Variants in EMC2 observed in about 807,000 individuals in gnomAD.
EMC2 encodes TPR repeat protein 35.
A neutral mutation model predicts 51.6 loss-of-function variants in EMC2; 37 were observed. That is an observed-to-expected ratio of 0.72 (90% CI 0.55 to 0.94). The LOEUF (loss-of-function observed/expected upper bound fraction) is 0.94. Ranked by LOEUF, EMC2 falls within the 40% of genes least tolerant of loss-of-function variation. The pLI is 0.00. For missense variants in EMC2, 359 were observed against 350.9 expected (o/e 1.02, Z -0.18); for synonymous variants, 131 against 112.4 (o/e 1.17, Z -1.04).
chr8:108,473,217 A>G (rs977787368), intron 7 of EMC2, among the ~76,000 whole-genome samples: 1 of 152,018 alleles, frequency 6.6e-6, no homozygotes, highest in Non-Finnish European at 1.5e-5. Context: ...CCATATTGAG[A>G]CACTTGTTCT....
At position 108,476,853 on chromosome 8, in the gene EMC2, G is replaced by A; in HGVS notation, c.663G>A (p.Leu221=). 6.2e-7 allele frequency: 1 copy of A among 1,601,322 alleles called. No individual in the cohort carries two copies. Among genetic ancestry groups the A allele is most frequent in the Non-Finnish European group, 8.6e-7 (1 of 1,169,194 alleles). Residue 221 remains leucine, a synonymous_variant, in exon 9 of 11, where the codon CTG becomes CTA. Transcript: ENST00000220853. ...AGTATTTTGCACAGGCATTGAAACT[G>A]AACAACAGAAATATGAGAGCTTTGT... ...SRKYFAQALK[L]NNRNMRALFG...
chr8:108,463,417 T>G (rs1197183513), intron 5 of EMC2, among the ~76,000 whole-genome samples: 1 of 152,042 alleles, frequency 6.6e-6, no homozygotes, highest in African/African-American at 2.4e-5. Flanking sequence ...GTTTTGAAAA[T>G]GATTGACTTT....
At chr8:108,464,081 C>A (rs1819403418) in intron 5 of EMC2, 1 of 152,160 alleles carries the variant, frequency 6.6e-6, no homozygotes, top group South Asian at 2.1e-4. Flanking sequence ...GGGAATTAAG[C>A]CCAGCTCTGC....
chr8:108,470,092 A>G lies in EMC2; in HGVS notation c.480A>G (p.Glu160=). 11 of 1,613,038 alleles carry G rather than the reference A, an allele frequency of 6.8e-6. No individual in the cohort carries two copies. Among genetic ancestry groups the G allele is most frequent in the Non-Finnish European group, 9.3e-6 (11 of 1,179,424 alleles). The change falls in exon 7 of 11, where the codon GAA becomes GAG. Residue 160 remains glutamate (E), a synonymous_variant. Coordinates refer to ENST00000220853, the MANE Select transcript of EMC2 (RefSeq NM_014673.5). ...QFVGDQEAWH[E]LAELYINEHD... ...TTGGAGACCAAGAAGCCTGGCATGA[A>G]CTTGCAGAACTTTACATCAATGAAC...
intron 5 of EMC2, 23 bp from the exon 6 acceptor site, chr8:108,469,803 C>T: frequency 6.2e-7 from 1 of 1,601,466 alleles, no homozygotes; most frequent in Non-Finnish European, 8.6e-7. Context: ...AGGGCCTAAT[C>T]CTTTATTAAT....
chr8:108,452,133 A>G (rs1361838597), intron 3 of EMC2, among the ~76,000 whole-genome samples: 1 of 152,232 alleles, frequency 6.6e-6, no homozygotes, highest in Non-Finnish European at 1.5e-5. Flanking sequence ...GTTGCTGAGA[A>G]TGTAGATACT....
In EMC2 at chr8:108,486,494, T is replaced by TTA. The variant is rs1811140914; in HGVS notation, c.808-17_808-16insAT. The TTA allele has an allele frequency of 6.6e-7, 1 of 1,512,722 alleles. No homozygotes were observed. Among genetic ancestry groups the TTA allele is most frequent in the Non-Finnish European group, 8.8e-7 (1 of 1,138,966 alleles). 93.7% of individuals were successfully genotyped at this position (1,512,722 alleles called of 1,614,324 possible). A position where few individuals can be genotyped will look rare whatever the true frequency, so the allele number is the denominator to read the frequency against. Reference sequence around the variant, plus strand: ...GAAATTGAGCCTAATTGAGCTTTTTTTTTTTTTTTTTAATTAGTTTGCAGG... The same window carrying TTA: ...GAAATTGAGCCTAATTGAGCTTTTTTTATTTTTTTTTTTAATTAGTTTGCAGG... On this transcript the variant is annotated splice_polypyrimidine_tract_variant and intron_variant, in intron 10 of 10. Transcript: ENST00000220853.
chr8:108,449,257 C>T (rs1185918017), intron 1 of EMC2, among the ~76,000 whole-genome samples: 1 of 146,956 alleles, frequency 6.8e-6, no homozygotes, highest in Non-Finnish European at 1.5e-5. Context: ...GGACCACAGG[C>T]GGGTGCCACC....
chr8:108,449,565 C>G (rs1225031720), intron 1 of EMC2, among the ~76,000 whole-genome samples: 1 of 152,194 alleles, frequency 6.6e-6, no homozygotes, highest in East Asian at 1.9e-4. Flanking sequence ...AGCCACCGTG[C>G]CTGGCCCATT....
At chr8:108,467,255 T>G (rs75457143) in intron 5 of EMC2, among the ~76,000 whole-genome samples, 3,530 of 152,344 alleles carry the variant, frequency 0.023, 56 homozygotes, top group South Asian at 0.046. Flanking sequence ...CCAGTGTTTT[T>G]GTTATTATAA....
Position 108,487,265 on chromosome 8 carries a change from TTAAC to T in EMC2, c.*669_*672del, listed in dbSNP as rs1159228814. Reference sequence around the variant, plus strand: ...TAAGATAAATATGTGTTACGACACTTTAACTTTTATGCAAGTTATATTTATTGAA... The same window carrying T: ...TAAGATAAATATGTGTTACGACACTTTTTTATGCAAGTTATATTTATTGAA... On this transcript the variant is annotated 3_prime_UTR_variant, in exon 11 of 11. Transcript: ENST00000220853. 3.9e-5 allele frequency among the ~76,000 whole-genome samples: 6 copies of T among 152,254 alleles called. No homozygotes were observed. The highest frequency in any genetic ancestry group is 8.8e-5 in the Non-Finnish European group (6 of 67,960).
intron 7 of EMC2, among the ~76,000 whole-genome samples, chr8:108,472,876 C>T (rs1053574260): frequency 1.3e-5 from 2 of 151,856 alleles, no homozygotes; most frequent in Admixed American, 1.3e-4. Flanking sequence ...TAGCCTATAT[C>T]TAGAACTATT....
At chr8:108,469,739 GATA>G (rs1810813442) in intron 5 of EMC2, 84 bp from the exon 6 acceptor site, 2 of 1,076,956 alleles carry the variant, frequency 1.9e-6, no homozygotes, top group South Asian at 2.7e-5. Context: ...CTGGCATTGA[GATA>G]ATAATTTGCA....
At chr8:108,463,386 G>C (rs1819379077) in intron 5 of EMC2, among the ~76,000 whole-genome samples, 1 of 151,960 alleles carries the variant, frequency 6.6e-6, no homozygotes. Flanking sequence ...ACCAGTTTTG[G>C]CACTTTTTTT....
intron 10 of EMC2, among the ~76,000 whole-genome samples, chr8:108,479,548 T>C (rs1313134594): frequency 6.6e-6 from 1 of 152,144 alleles, no homozygotes; most frequent in Non-Finnish European, 1.5e-5. Flanking sequence ...TTCAGATCCT[T>C]TACTGAAACT....
chr8:108,480,609 ATTG>A (rs906051794), intron 10 of EMC2, among the ~76,000 whole-genome samples: 12 of 152,040 alleles, frequency 7.9e-5, no homozygotes, highest in African/African-American at 2.9e-4. Context: ...AATGTTACAT[ATTG>A]TTGTTACAGT....
rs1811166747 is a variant in EMC2 at position 108,487,617 on chromosome 8, T to G, written c.*1019T>G. ...GTTCACCGCAAATATTTATGGTATT[T>G]GTTTATAATAAATATATTTAAATTT... On this transcript the variant is annotated 3_prime_UTR_variant, in exon 11 of 11. Coordinates refer to ENST00000220853, the MANE Select transcript of EMC2 (RefSeq NM_014673.5). Among the ~76,000 whole-genome samples the G allele has an allele frequency of 6.6e-6, 1 of 151,992 alleles. No individual in the cohort carries two copies. The highest frequency in any genetic ancestry group is 2.4e-5 in the African/African-American group (1 of 41,444).
chr8:108,457,331 CGTGTGTGTGT>C (rs56319322), intron 5 of EMC2, among the ~76,000 whole-genome samples: 1,676 of 128,012 alleles, frequency 0.013, 16 homozygotes, highest in Middle Eastern at 0.039. Flanking sequence ...CGTGTGTGTG[CGTGTGTGTGT>C]GTGTGTGTGT....
chr8:108,455,744 G>C, intron 4 of EMC2, 129 bp from the exon 5 acceptor site: 1 of 400,620 alleles, frequency 2.5e-6, no homozygotes. Flanking sequence ...GATTATAAAT[G>C]CATTTAAAGC....
Sources: allele counts gnomAD v4.1 joint callset (sites outside exome capture counted in the v4.1 genomes callset), GRCh38; gene constraint gnomAD v4.1.1; transcripts MANE v1.5; gene names NCBI Gene and HGNC (gene_info 2026-07-23, HGNC 2026-07-21).